The following GSDMC variants were observed in gnomAD, a reference collection of about 807,000 sequenced individuals.
GSDMC encodes gasdermin C.
Under a neutral mutation model 58.0 loss-of-function variants are expected in GSDMC, and 59 were observed. That is an observed-to-expected ratio of 1.02 (90% CI 0.82 to 1.26). The LOEUF (loss-of-function observed/expected upper bound fraction) is 1.26, where lower values mean the gene tolerates loss of function less well. GSDMC is among the 50% of genes most tolerant of loss of function. The probability of loss-of-function intolerance (pLI) is 0.00; values close to 1 mark genes in which losing one functional copy is unlikely to be tolerated. For synonymous variants in GSDMC, 241 were observed against 220.2 expected (o/e 1.09, Z -0.83); for missense variants, 659 against 598.5 (o/e 1.10, Z -1.06).
rs1447594610 is a variant in GSDMC, at chr8:129,752,135, G to A, written c.857C>T (p.Thr286Ile). Residue 286 changes from threonine (T) to isoleucine (I), a missense_variant, in exon 8 of 14, where the codon ACA becomes ATA. By Grantham distance (89) the Thr-to-Ile change is moderately conservative (BLOSUM62 -1). Coordinates refer to ENST00000276708, the MANE Select transcript of GSDMC (RefSeq NM_031415.3). ...CAAATGCCCGCTCAAAAATTGCTGT[G>A]TCAGAAATAGCTCTGGAAAGAGAAA... ...DMKLKPELFL[T>I]QQFLSGHLPK... 6.2e-7 allele frequency: 1 copy of A among 1,612,906 alleles called. No individual in the cohort carries two copies. Among genetic ancestry groups the A allele is most frequent in the Non-Finnish European group, 8.5e-7 (1 of 1,178,922 alleles).
chr8:129,786,167 T>C lies in GSDMC; in HGVS notation c.-161A>G, dbSNP rs1028963769. ...GGCCAAGATGGTGAAACCCTGTCTCTACTGAAAATACAAAAATTAGCCAGG... is the reference window on the plus strand; with the variant it reads ...GGCCAAGATGGTGAAACCCTGTCTCCACTGAAAATACAAAAATTAGCCAGG... On this transcript the variant is annotated 5_prime_UTR_variant, in exon 1 of 14. Transcript: ENST00000276708. 1 of 152,042 alleles carries C rather than the reference T, an allele frequency of 6.6e-6. No individual in the cohort carries two copies. The highest frequency in any genetic ancestry group is 1.5e-5 in the Non-Finnish European group (1 of 68,080). The allele number at this position is 152,042 out of a possible 1,614,324, so 9.4% of individuals were successfully genotyped here.
intron 4 of GSDMC, 25 bp from the exon 5 acceptor site, chr8:129,762,756 A>G (rs774477544): frequency 6.8e-7 from 1 of 1,461,052 alleles, no homozygotes; most frequent in Non-Finnish European, 9.6e-7. Flanking sequence ...CAGACAATAC[A>G]GTATTAAATG....
At chr8:129,750,236 AG>A in intron 11 of GSDMC, 117 bp from the exon 12 acceptor site, 1 of 1,041,882 alleles carries the variant, frequency 9.6e-7, no homozygotes, top group Non-Finnish European at 1.4e-6. Flanking sequence ...TACCTCCCCC[AG>A]GGGATTCCAA....
At chr8:129,716,675 A>G in the GSDMC span, among the ~76,000 whole-genome samples, 2 of 152,154 alleles carry the variant, frequency 1.3e-5, no homozygotes, top group Non-Finnish European at 2.9e-5. Context: ...GTGGTGAGAG[A>G]GGGCATCCTT....
chr8:129,741,915 A>AATATATATATATATATATATATATATAT, the GSDMC span, among the ~76,000 whole-genome samples: 6 of 126,258 alleles, frequency 4.8e-5, no homozygotes, highest in Non-Finnish European at 9.4e-5. Flanking sequence ...AAGAAAATGT[A>AATATATATATATATATATATATATATAT]ATATATATAT....
intron 3 of GSDMC, among the ~76,000 whole-genome samples, chr8:129,768,136 C>T (rs57195786): frequency 0.14 from 21,965 of 152,092 alleles, 1,897 homozygotes; most frequent in East Asian, 0.31. Flanking sequence ...AGAGTACGGG[C>T]AGTGGCCGCA....
intron 6 of GSDMC, among the ~76,000 whole-genome samples, chr8:129,756,431 T>A (rs552289789): frequency 3.9e-4 from 60 of 152,156 alleles, no homozygotes; most frequent in African/African-American, 1.4e-3. Flanking sequence ...GAGAGATTAT[T>A]AGAGCTAAAG....
chr8:129,757,350 T>C (rs2033481157), intron 6 of GSDMC, among the ~76,000 whole-genome samples: 1 of 151,838 alleles, frequency 6.6e-6, no homozygotes, highest in East Asian at 1.9e-4. Flanking sequence ...GATTAAACCA[T>C]GAAGAAATTT....
At chr8:129,706,186 T>C in the GSDMC span, among the ~76,000 whole-genome samples, 1 of 152,142 alleles carries the variant, frequency 6.6e-6, no homozygotes, top group African/African-American at 2.4e-5. Flanking sequence ...CATTCCAGAT[T>C]TTCTATTTCT....
intron 3 of GSDMC, among the ~76,000 whole-genome samples, chr8:129,773,650 G>A (rs928116012): frequency 6.6e-6 from 1 of 152,004 alleles, no homozygotes; most frequent in South Asian, 2.1e-4. Context: ...GCTGGGCATT[G>A]TGGTGGGTGC....
chr8:129,713,707 A>C, the GSDMC span, among the ~76,000 whole-genome samples: 1 of 152,202 alleles, frequency 6.6e-6, no homozygotes, highest in African/African-American at 2.4e-5. Flanking sequence ...CAGGGGGTTC[A>C]GAAGGAGACC....
intron 3 of GSDMC, among the ~76,000 whole-genome samples, chr8:129,774,167 G>C (rs932063946): frequency 7.9e-5 from 12 of 152,158 alleles, no homozygotes; most frequent in African/African-American, 2.2e-4. Context: ...CAAAGCTATA[G>C]AAGTTAAAAC....
chr8:129,747,815 A>G (rs1222918439), downstream of GSDMC, among the ~76,000 whole-genome samples: 3 of 152,136 alleles, frequency 2.0e-5, no homozygotes, highest in Non-Finnish European at 2.9e-5. Context: ...TAAGGAGAGG[A>G]GTCAAGGTGG....
intron 6 of GSDMC, among the ~76,000 whole-genome samples, chr8:129,755,584 T>C (rs1213695615): frequency 6.6e-6 from 1 of 152,118 alleles, no homozygotes. Flanking sequence ...ATTATAACAC[T>C]ATAATTATGG....
At chr8:129,773,580 T>C (rs1200210034) in intron 3 of GSDMC, among the ~76,000 whole-genome samples, 1 of 151,498 alleles carries the variant, frequency 6.6e-6, no homozygotes, top group Non-Finnish European at 1.5e-5. Context: ...AGGTCAGGAG[T>C]TCGAGACCAG....
At chr8:129,715,603 C>G in the GSDMC span, among the ~76,000 whole-genome samples, 7 of 151,978 alleles carry the variant, frequency 4.6e-5, no homozygotes, top group Admixed American at 4.6e-4. Context: ...AAAATAAAGT[C>G]AAAAGAAAAA....
the GSDMC span, among the ~76,000 whole-genome samples, chr8:129,735,287 A>G: frequency 6.6e-6 from 1 of 152,218 alleles, no homozygotes; most frequent in Non-Finnish European, 1.5e-5. Context: ...ACTTGAACTC[A>G]GCTCTGCACC....
intron 3 of GSDMC, 79 bp from the exon 4 acceptor site, chr8:129,765,872 C>CAGGT: frequency 1.6e-6 from 2 of 1,222,354 alleles, no homozygotes; most frequent in Non-Finnish European, 2.3e-6. Flanking sequence ...GCCCTTCTCC[C>CAGGT]CAAGACCTGG....
chr8:129,757,188 C>A (rs779804476), intron 6 of GSDMC, among the ~76,000 whole-genome samples: 8 of 150,204 alleles, frequency 5.3e-5, no homozygotes, highest in Non-Finnish European at 1.0e-4. Context: ...ATGGAGAGGA[C>A]GCAAATAAAA....
Sources: allele counts gnomAD v4.1 joint callset (sites outside exome capture counted in the v4.1 genomes callset), GRCh38; gene constraint gnomAD v4.1.1; transcripts MANE v1.5; gene names NCBI Gene and HGNC (gene_info 2026-07-23, HGNC 2026-07-21).